Variants in KIAA1549 observed in about 807,000 individuals in gnomAD.
KIAA1549 encodes the protein UPF0606 protein KIAA1549.
In KIAA1549, 70 loss-of-function variants were observed where a neutral mutation model predicts 156.4. The ratio of observed to expected loss-of-function variants is 0.45; its 90% CI spans 0.37 to 0.55. The LOEUF (loss-of-function observed/expected upper bound fraction) is 0.55. KIAA1549 is among the 20% of genes least tolerant of loss of function. The pLI is 0.00. For missense variants in KIAA1549, 2,428 were observed against 2,540.9 expected, an observed-to-expected ratio of 0.96 and a Z score of 0.96; for synonymous variants, 1,103 against 1,066.4, an observed-to-expected ratio of 1.03 and a Z score of -0.67.
chr7:138,904,965 G>A lies in KIAA1549; in HGVS notation c.3520+57C>T, dbSNP rs552368273. ...AGAAAGGCAGCATCATTCTCAATACGCCTGCATAGACTTCTTCTCCTTACA... is the reference window on the plus strand; with the variant it reads ...AGAAAGGCAGCATCATTCTCAATACACCTGCATAGACTTCTTCTCCTTACA... On this transcript the variant is annotated intron_variant, in intron 7 of 19. Coordinates refer to ENST00000422774, the MANE Select transcript of KIAA1549 (RefSeq NM_001164665.2). The A allele has an allele frequency of 9.8e-5, 103 of 1,050,152 alleles. 1 individual carries two copies. In the South Asian group the frequency reaches 1.3e-3, roughly 13 times the overall value. 65.1% of individuals were successfully genotyped at this position (1,050,152 alleles called of 1,614,324 possible).
intron 1 of KIAA1549, among the ~76,000 whole-genome samples, chr7:138,971,078 T>A (rs889595298): frequency 6.6e-6 from 1 of 152,132 alleles, no homozygotes; most frequent in Non-Finnish European, 1.5e-5. Context: ...AGGACCGCTG[T>A]GGCCTATCTT....
intron 16 of KIAA1549, among the ~76,000 whole-genome samples, chr7:138,859,306 C>T (rs73468160): frequency 2.0e-5 from 3 of 152,046 alleles, no homozygotes; most frequent in African/African-American, 7.3e-5. Context: ...CCTAAAGGCC[C>T]TTATCTCCAA....
At chr7:138,867,854 G>A (rs1810795708) in intron 15 of KIAA1549, 121 bp downstream of exon 15, 9 of 1,058,554 alleles carry the variant, frequency 8.5e-6, no homozygotes, top group South Asian at 7.9e-5. Flanking sequence ...CAGCCATCAG[G>A]CATCAGGCAC....
intron 18 of KIAA1549, among the ~76,000 whole-genome samples, chr7:138,842,513 C>G (rs1178961824): frequency 6.6e-6 from 1 of 152,132 alleles, no homozygotes; most frequent in East Asian, 1.9e-4. Flanking sequence ...ATGGTGAAAC[C>G]CTGTCTCTTC....
intron 18 of KIAA1549, among the ~76,000 whole-genome samples, chr7:138,840,503 GA>G (rs1415992064): frequency 6.6e-6 from 1 of 151,952 alleles, no homozygotes; most frequent in Admixed American, 6.6e-5. Flanking sequence ...GAAGCGGTAG[GA>G]AAATGTACCA....
intron 10 of KIAA1549, among the ~76,000 whole-genome samples, chr7:138,889,671 C>T (rs959623164): frequency 2.0e-5 from 3 of 152,172 alleles, no homozygotes; most frequent in African/African-American, 7.2e-5. Context: ...TCTTGGCTTA[C>T]TGTTGATTCT....
intron 18 of KIAA1549, among the ~76,000 whole-genome samples, chr7:138,841,425 C>T (rs536860498): frequency 3.0e-4 from 45 of 152,250 alleles, no homozygotes; most frequent in African/African-American, 8.4e-4. Flanking sequence ...GCTAATTACC[C>T]CCCTATACCC....
At chr7:138,845,763 C>T (rs1810055881) in intron 17 of KIAA1549, among the ~76,000 whole-genome samples, 1 of 152,188 alleles carries the variant, frequency 6.6e-6, no homozygotes, top group East Asian at 1.9e-4. Context: ...TTCACAGTGG[C>T]AGGCAGACAA....
intron 6 of KIAA1549, among the ~76,000 whole-genome samples, chr7:138,905,705 C>T (rs1811986665): frequency 6.6e-6 from 1 of 151,700 alleles, no homozygotes; most frequent in Admixed American, 6.6e-5. Context: ...CTGGAATCTA[C>T]TATTTTTTTT....
chr7:138,854,716 C>T (rs181455752), intron 16 of KIAA1549, among the ~76,000 whole-genome samples: 64 of 152,228 alleles, frequency 4.2e-4, no homozygotes, highest in Admixed American at 2.4e-3. Flanking sequence ...CCATTCTCAT[C>T]CAACTACATC....
chr7:138,918,513 A>C lies in KIAA1549; in HGVS notation c.1113T>G (p.Ser371=), dbSNP rs766361911. ...TAGATGAAACATCAGTTGGTGAAGC[A>C]GAGGACGCAAATGCAAGAGGAGTTG... ...LLSTPLAFAS[S]ASPTDVSSNP... is the part of the protein sequence containing the mutation. The change falls in exon 2 of 20, where the codon TCT becomes TCG. Residue 371 remains serine, a synonymous_variant. Coordinates refer to ENST00000422774, the MANE Select transcript of KIAA1549 (RefSeq NM_001164665.2). This position sits in a 1 kb window ranked among gnomAD's most constrained non-coding sequence, Gnocchi z 4.2. 1.9e-6 allele frequency: 3 copies of C among 1,614,058 alleles called. No individual in the cohort carries two copies. The South Asian group carries it at 3.3e-5, about 18-fold the overall frequency.
At chr7:138,950,365 G>A (rs1425241966) in intron 1 of KIAA1549, among the ~76,000 whole-genome samples, 1 of 152,148 alleles carries the variant, frequency 6.6e-6, no homozygotes, top group Non-Finnish European at 1.5e-5. Context: ...ACTCAACTAA[G>A]CTGGTCAGAA....
chr7:138,888,768 C>T (rs972026185), intron 10 of KIAA1549, among the ~76,000 whole-genome samples: 9 of 152,132 alleles, frequency 5.9e-5, no homozygotes, highest in African/African-American at 2.2e-4. Flanking sequence ...CTTTGACATG[C>T]GGTCCTAATT....
At position 138,835,860 on chromosome 7, in the gene KIAA1549, C is replaced by G. The variant is rs10228936; in HGVS notation, c.*2046G>C. 6.1e-3 allele frequency: 1,339 copies of G among 221,222 alleles called. 20 individuals are homozygous for G. Among genetic ancestry groups the G allele is most frequent in the African/African-American group, 0.028 (1,267 of 44,770 alleles). 13.7% of individuals were successfully genotyped at this position (221,222 alleles called of 1,614,324 possible). On this transcript the variant is annotated 3_prime_UTR_variant, in exon 20 of 20. Transcript: ENST00000422774. ...CTGAGGATCGCCTGATAAGATGCTG[C>G]TGGTCCTTTGTTGAACGTCCTTGAG...
intron 16 of KIAA1549, among the ~76,000 whole-genome samples, chr7:138,856,229 G>A (rs148063430): frequency 0.02 from 3,003 of 150,586 alleles, 105 homozygotes; most frequent in African/African-American, 0.069. Context: ...TAGTAGAGAC[G>A]GGGTTTCACC....
chr7:138,888,764 C>T (rs1811469305), intron 10 of KIAA1549, among the ~76,000 whole-genome samples: 1 of 152,214 alleles, frequency 6.6e-6, no homozygotes, highest in Non-Finnish European at 1.5e-5. Context: ...CAGACTTTGA[C>T]ATGCGGTCCT....
At position 138,899,031 on chromosome 7, in the gene KIAA1549, C is replaced by G. The variant is rs368186139; in HGVS notation, c.3771G>C (p.Ser1257=). The G allele has an allele frequency of 6.2e-7, 1 of 1,613,692 alleles. No individual in the cohort carries two copies. The part of the protein sequence containing the change: ...DGERLSAVKS[S]DLINKMDLQR... ...GGAGGTCCATTTTGTTAATCAGGTC[C>G]GAAGACTTGACTGCACTGAGTCTTT... The change falls in exon 9 of 20, where the codon TCG becomes TCC. Residue 1257 remains serine, a synonymous_variant. Transcript: ENST00000422774.
intron 9 of KIAA1549, among the ~76,000 whole-genome samples, chr7:138,897,043 A>G (rs1434065816): frequency 6.6e-6 from 1 of 152,136 alleles, no homozygotes; most frequent in Non-Finnish European, 1.5e-5. Context: ...AGATCCCAGG[A>G]TCTTTACCCA....
chr7:138,882,375 C>T lies in KIAA1549; in HGVS notation c.4033-791G>A, dbSNP rs140042874. Among the ~76,000 whole-genome samples the T allele has an allele frequency of 3.0e-4, 46 of 152,240 alleles. 1 individual carries two copies. In the East Asian group the frequency reaches 8.9e-3, roughly 29 times the overall value. ...AATTTCACGTGAAGAGTGAAAGTGA[C>T]GTTAAGGGAAAGAGGCGAGTCATAT... On this transcript the variant is annotated intron_variant, in intron 10 of 19. Coordinates refer to ENST00000422774, the MANE Select transcript of KIAA1549 (RefSeq NM_001164665.2).
Sources: allele counts gnomAD v4.1 joint callset (sites outside exome capture counted in the v4.1 genomes callset), GRCh38; gene constraint gnomAD v4.1.1; non-coding constraint Gnocchi (gnomAD v3.1); transcripts MANE v1.5; gene names NCBI Gene and HGNC (gene_info 2026-07-23, HGNC 2026-07-21).